SUGCT: variants seen among roughly 807,000 people sequenced by gnomAD.
SUGCT encodes succinyl-CoA:glutarate-CoA transferase.
A neutral mutation model predicts 55.0 loss-of-function variants in SUGCT; 41 were observed. The observed-to-expected ratio is 0.74, with a 90% CI of 0.58 to 0.97. The LOEUF (loss-of-function observed/expected upper bound fraction) is 0.97. SUGCT is among the 50% of genes least tolerant of loss of function. The pLI, the probability that SUGCT is intolerant of heterozygous loss-of-function variation, is 0.00. For synonymous variants in SUGCT, 187 were observed against 200.4 expected, an observed-to-expected ratio of 0.93 and a Z score of 0.56; for missense variants, 568 against 547.8, an observed-to-expected ratio of 1.04 and a Z score of -0.37.
the SUGCT span, among the ~76,000 whole-genome samples, chr7:40,951,653 G>A: frequency 1.3e-5 from 2 of 152,068 alleles, no homozygotes; most frequent in African/African-American, 4.8e-5. Context: ...GGTATGTTGT[G>A]TCTTTGTTCT....
the SUGCT span, among the ~76,000 whole-genome samples, chr7:40,912,248 A>C: frequency 6.6e-6 from 1 of 152,010 alleles, no homozygotes; most frequent in Non-Finnish European, 1.5e-5. Context: ...CCTGTATTTT[A>C]TGTGTTATTT....
At chr7:40,332,828 G>A (rs954885810) in intron 9 of SUGCT, among the ~76,000 whole-genome samples, 4 of 152,128 alleles carry the variant, frequency 2.6e-5, no homozygotes, top group African/African-American at 9.7e-5. Context: ...TGCAGAGGAA[G>A]CATGAGACCC....
downstream of SUGCT, among the ~76,000 whole-genome samples, chr7:40,861,611 T>G (rs182862136): frequency 6.6e-6 from 1 of 152,348 alleles, no homozygotes; most frequent in East Asian, 1.9e-4. Context: ...TTTCAAACTG[T>G]GATTTAAAAC....
chr7:41,010,300 C>CA, the SUGCT span, among the ~76,000 whole-genome samples: 1 of 152,162 alleles, frequency 6.6e-6, no homozygotes, highest in Admixed American at 6.5e-5. Context: ...CTCAATGAGC[C>CA]ACGTAGATAG....
At chr7:40,198,637 G>C (rs931229328) in intron 6 of SUGCT, among the ~76,000 whole-genome samples, 1 of 142,732 alleles carries the variant, frequency 7.0e-6, no homozygotes, top group African/African-American at 3.1e-5. Flanking sequence ...GAGGCGGGCG[G>C]ATCACCTGAG....
In SUGCT at chr7:40,412,722, A is replaced by G. The variant is rs185979474; in HGVS notation, c.817-36565A>G. 4.1e-4 allele frequency among the ~76,000 whole-genome samples: 62 copies of G among 152,104 alleles called. No individual in the cohort carries two copies. The East Asian group carries it at 0.012, about 28-fold the overall frequency. On this transcript the variant is annotated intron_variant, in intron 9 of 13. Transcript: ENST00000335693. ...GTTGGTTCTGACCTTTACAAGTTTT[A>G]TTGTAATTTTAGACTGTATTAAGGC...
At chr7:40,273,439 A>G (rs1404832598) in intron 7 of SUGCT, among the ~76,000 whole-genome samples, 1 of 152,212 alleles carries the variant, frequency 6.6e-6, no homozygotes, top group African/African-American at 2.4e-5. Context: ...GAGTTTTTTT[A>G]GGTATTCTGT....
the SUGCT span, among the ~76,000 whole-genome samples, chr7:40,992,877 G>A: frequency 9.8e-5 from 15 of 152,318 alleles, no homozygotes; most frequent in South Asian, 2.7e-3. Context: ...GAGCAAGAGT[G>A]TTGTGAGGCT....
At chr7:40,670,169 CAAAA>C (rs34786531) in intron 12 of SUGCT, among the ~76,000 whole-genome samples, 5 of 58,240 alleles carry the variant, frequency 8.6e-5, no homozygotes, top group South Asian at 9.0e-4. Context: ...GACTCCATCT[CAAAA>C]AAAAAAAAAA....
At chr7:40,545,663 G>C (rs546922957) in intron 12 of SUGCT, among the ~76,000 whole-genome samples, 1 of 152,204 alleles carries the variant, frequency 6.6e-6, no homozygotes, top group Non-Finnish European at 1.5e-5. Context: ...TGTGTGTCCA[G>C]GTTCTAAGAG....
chr7:40,613,307 C>G (rs931631065), intron 12 of SUGCT, among the ~76,000 whole-genome samples: 1 of 152,004 alleles, frequency 6.6e-6, no homozygotes, highest in Admixed American at 6.6e-5. Flanking sequence ...AAAAGGGGCA[C>G]GAAGTGAAGA....
chr7:40,363,322 C>T (rs1028224392), intron 9 of SUGCT, among the ~76,000 whole-genome samples: 1 of 151,938 alleles, frequency 6.6e-6, no homozygotes, highest in Non-Finnish European at 1.5e-5. Flanking sequence ...TTCAGTTGTG[C>T]TCTGATTTTA....
chr7:40,161,189 C>T (rs1417041615), intron 1 of SUGCT, among the ~76,000 whole-genome samples: 3 of 152,200 alleles, frequency 2.0e-5, no homozygotes, highest in African/African-American at 7.2e-5. Flanking sequence ...CTAAACTTCT[C>T]TCCAGACATT....
At chr7:40,752,875 T>C (rs1053771892) in intron 13 of SUGCT, among the ~76,000 whole-genome samples, 3 of 152,216 alleles carry the variant, frequency 2.0e-5, no homozygotes, top group Admixed American at 2.0e-4. Flanking sequence ...TTTTGTTTAG[T>C]GTTTATAGGG....
At chr7:41,003,756 C>T in the SUGCT span, among the ~76,000 whole-genome samples, 1 of 152,166 alleles carries the variant, frequency 6.6e-6, no homozygotes, top group Non-Finnish European at 1.5e-5. Context: ...CTGCCTCATC[C>T]GGAGACAATC....
intron 6 of SUGCT, among the ~76,000 whole-genome samples, chr7:40,200,743 T>TA (rs888237519): frequency 6.0e-5 from 9 of 150,586 alleles, no homozygotes; most frequent in African/African-American, 2.2e-4. Flanking sequence ...GAATGCAGAT[T>TA]AAAAAAAAAG....
chr7:40,819,785 G>A (rs1355840983), intron 13 of SUGCT, among the ~76,000 whole-genome samples: 2 of 152,112 alleles, frequency 1.3e-5, no homozygotes, highest in East Asian at 3.8e-4. Flanking sequence ...TGTCAATTTT[G>A]GCTTTTGTTG....
chr7:41,000,232 A>T, the SUGCT span, among the ~76,000 whole-genome samples: 1 of 152,108 alleles, frequency 6.6e-6, no homozygotes, highest in Non-Finnish European at 1.5e-5. Flanking sequence ...GGACATACAG[A>T]TGCATGAACA....
chr7:40,207,522 A>G (rs1787041383), intron 6 of SUGCT, among the ~76,000 whole-genome samples: 2 of 152,096 alleles, frequency 1.3e-5, no homozygotes, highest in Admixed American at 6.6e-5. Flanking sequence ...TCCTCAAAAA[A>G]ATTAAACACG....
Sources: gnomAD v4.1 joint callset for allele counts (sites outside exome capture counted in the v4.1 genomes callset) on GRCh38, gnomAD v4.1.1 for gene constraint, MANE v1.5 for transcripts, NCBI Gene and HGNC (gene_info 2026-07-23, HGNC 2026-07-21) for gene names.